BIRC6: variants seen among roughly 807,000 people sequenced by gnomAD.
The protein encoded by BIRC6 is dual E2 ubiquitin-conjugating enzyme/E3 ubiquitin-protein ligase BIRC6.
A neutral mutation model predicts 503.3 loss-of-function variants in BIRC6; 98 were observed. That is an observed-to-expected ratio of 0.19 (90% CI 0.17 to 0.23). The LOEUF is 0.23. Ranked by LOEUF, BIRC6 falls within the 10% of genes least tolerant of loss-of-function variation. BIRC6 has a pLI of 1.00. For missense variants in BIRC6, 5,360 were observed against 5,806.0 expected (o/e 0.92, Z 2.50); for synonymous variants, 2,240 against 2,078.7 (o/e 1.08, Z -2.11).
At chr2:32,397,616 G>GTATA (rs544288777) in intron 6 of BIRC6, among the ~76,000 whole-genome samples, 5,051 of 137,464 alleles carry the variant, frequency 0.037, 211 homozygotes, top group Admixed American at 0.13. Context: ...ATATATGTGT[G>GTATA]TATATATATA....
Position 32,471,018 on chromosome 2 carries a change from A to T in BIRC6, c.6486A>T (p.Val2162=), listed in dbSNP as rs1286328902. The T allele has an allele frequency of 6.4e-7, 1 of 1,567,086 alleles. No individual in the cohort carries two copies. The highest frequency in any genetic ancestry group is 1.3e-5 in the African/African-American group (1 of 74,160). ...TTTGCTGTCATCTCTCTCCAGGAGT[A>T]CTAGATATTCCCATGATCAGTTGGG... ...QLPMHRRTEG[V]LDIPMISWVV... The change falls in exon 32 of 74, where the codon GTA becomes GTT. Residue 2162 remains valine, a synonymous_variant. Coordinates refer to ENST00000421745, the MANE Select transcript of BIRC6 (RefSeq NM_016252.4).
At position 32,401,166 on chromosome 2, in the gene BIRC6, T is replaced by C; in HGVS notation, c.1038T>C (p.Ser346=). ...TCCTTTCTAAATCTATGCAAAGGTC[T>C]GAACACGAAAGACATTCCCCAAACT... ...VCWEPTDEPW[S]EHERHSPNCP... Residue 346 remains serine, a synonymous_variant, in exon 7 of 74, where the codon TCT becomes TCC. Transcript: ENST00000421745. The C allele has an allele frequency of 1.2e-6, 2 of 1,613,724 alleles. No homozygotes were observed. The highest frequency in any genetic ancestry group is 1.7e-6 in the Non-Finnish European group (2 of 1,179,600).
intron 30 of BIRC6, 126 bp downstream of exon 30, chr2:32,469,740 G>A: frequency 1.2e-6 from 1 of 867,150 alleles, no homozygotes; most frequent in East Asian, 2.4e-5. Flanking sequence ...CTCAGAGTTT[G>A]TGAAATGACC....
At chr2:32,362,793 T>C (rs1315024483) in intron 1 of BIRC6, among the ~76,000 whole-genome samples, 1 of 142,038 alleles carries the variant, frequency 7.0e-6, no homozygotes, top group Non-Finnish European at 1.5e-5. Flanking sequence ...TCTTAAAAAT[T>C]TTTTTTTTTT....
chr2:32,401,570 G>A lies in BIRC6; in HGVS notation c.1365G>A (p.Ala455=), dbSNP rs1228713786. The change falls in exon 8 of 74, where the codon GCG becomes GCA. Residue 455 remains alanine, a synonymous_variant. Coordinates refer to ENST00000421745, the MANE Select transcript of BIRC6 (RefSeq NM_016252.4). Reference sequence around the variant, plus strand: ...TTGATTCAAGGAGACCAACTTTGGCGTGGCTGGAGGACTCCTCTAGTTGCT... The same window carrying A: ...TTGATTCAAGGAGACCAACTTTGGCATGGCTGGAGGACTCCTCTAGTTGCT... ...SGVDSRRPTL[A]WLEDSSSCSD... is the part of the protein sequence containing the mutation. 7 of 1,614,050 alleles carry A rather than the reference G, an allele frequency of 4.3e-6. No individual in the cohort carries two copies. The highest frequency in any genetic ancestry group is 5.1e-6 in the Non-Finnish European group (6 of 1,179,890).
chr2:32,548,364 A>ATTTTTTTTTTTTTT (rs1491147471), intron 64 of BIRC6, among the ~76,000 whole-genome samples: 1 of 68,048 alleles, frequency 1.5e-5, no homozygotes, highest in Non-Finnish European at 3.1e-5. Flanking sequence ...TTGGTTGCTT[A>ATTTTTTTTTTTTTT]CTTTTTTTTT....
rs746837105 is a variant in BIRC6 at position 32,594,099 on chromosome 2, G to A, written c.13501+39G>A. On this transcript the variant is annotated intron_variant, in intron 67 of 73. Coordinates refer to ENST00000421745, the MANE Select transcript of BIRC6 (RefSeq NM_016252.4). ...CCTATTATGCCACTTTTCATTTGAT[G>A]TAAAGATGTTTCATTTACTTACTGA... is the stretch of plus-strand genomic sequence containing the variant. 5.1e-6 allele frequency: 8 copies of A among 1,572,938 alleles called. No homozygotes were observed. The South Asian group carries it at 8.3e-5, about 16-fold the overall frequency.
At chr2:32,405,726 A>G (rs1049673707) in intron 8 of BIRC6, among the ~76,000 whole-genome samples, 1 of 152,236 alleles carries the variant, frequency 6.6e-6, no homozygotes, top group Non-Finnish European at 1.5e-5. Context: ...TTGCATGTAC[A>G]TGTGAGTACA....
chr2:32,429,298 A>G lies in BIRC6; in HGVS notation c.3022+3A>G. 2 of 1,482,436 alleles carry G rather than the reference A, an allele frequency of 1.3e-6. No individual in the cohort carries two copies. The highest frequency in any genetic ancestry group is 1.8e-6 in the Non-Finnish European group (2 of 1,119,766). 91.8% of individuals were successfully genotyped at this position (1,482,436 alleles called of 1,614,324 possible). ...TCCTTCAAGTCCTGGCATTTCAGGT[A>G]TGATATTAAATTTTTAAATGATTTT... On this transcript the variant is annotated splice_donor_region_variant and intron_variant, in intron 11 of 73. Transcript: ENST00000421745.
In BIRC6 at chr2:32,479,646, A is replaced by G. The variant is rs543609425; in HGVS notation, c.7408+29A>G. 36 of 1,492,276 alleles carry G rather than the reference A, an allele frequency of 2.4e-5. No homozygotes were observed. In the East Asian group the frequency reaches 7.5e-4, roughly 31 times the overall value. The allele number at this position is 1,492,276 out of a possible 1,614,324, so 92.4% of individuals were successfully genotyped here. A position where few individuals can be genotyped will look rare whatever the true frequency, so the allele number is the denominator to read the frequency against. ...AAGTTTTACATTATGTTTCTTCTTT[A>G]TTCTATTAAATGGAAACATGTTTCA... On this transcript the variant is annotated intron_variant, in intron 37 of 73. Transcript: ENST00000421745.
At position 32,584,705 on chromosome 2, in the gene BIRC6, T is replaced by C. The variant is rs184645393; in HGVS notation, c.13356-9210T>C. Among the ~76,000 whole-genome samples, 16 of 152,324 alleles carry C rather than the reference T, an allele frequency of 1.1e-4. No individual in the cohort carries two copies. In the East Asian group the frequency reaches 2.7e-3, roughly 26 times the overall value. ...ATTGGTTCTTTTTAATTTATTTGCC[T>C]GTATAATGTTAAGTAGTTCTTTATT... On this transcript the variant is annotated intron_variant, in intron 66 of 73. Coordinates refer to ENST00000421745, the MANE Select transcript of BIRC6 (RefSeq NM_016252.4).
At chr2:32,540,454 T>G (rs529016450) in intron 61 of BIRC6, among the ~76,000 whole-genome samples, 5 of 152,174 alleles carry the variant, frequency 3.3e-5, no homozygotes, top group South Asian at 4.1e-4. Context: ...TTAGAGTCTT[T>G]TCTTTGGGAA....
chr2:32,474,944 C>T (rs1284366013), intron 33 of BIRC6, among the ~76,000 whole-genome samples: 1 of 151,164 alleles, frequency 6.6e-6, no homozygotes, highest in Non-Finnish European at 1.5e-5. Flanking sequence ...ATACCAAAAA[C>T]AGGTGTCAGG....
Position 32,441,372 on chromosome 2 carries a change from G to A in BIRC6, c.3854G>A (p.Arg1285His), listed in dbSNP as rs775469848. 1.9e-5 allele frequency: 31 copies of A among 1,603,298 alleles called. No individual in the cohort carries two copies. The highest frequency in any genetic ancestry group is 2.7e-5 in the African/African-American group (2 of 74,816). The change falls in exon 17 of 74, where the codon CGT becomes CAT. Residue 1285 changes from arginine (R) to histidine (H), a missense_variant. Arg to His is a conservative substitution (Grantham distance 29, BLOSUM62 0). Transcript: ENST00000421745. ...AAGAATGAAAATACAAGTGGCACCCGTAAATCTGAAAACCTCCGGGGCTGT... is the reference window on the plus strand; with the variant it reads ...AAGAATGAAAATACAAGTGGCACCCATAAATCTGAAAACCTCCGGGGCTGT... ...NVKNENTSGT[R>H]KSENLRGCDL...
At chr2:32,524,338 A>G (rs958228378) in intron 57 of BIRC6, among the ~76,000 whole-genome samples, 1 of 152,202 alleles carries the variant, frequency 6.6e-6, no homozygotes, top group Non-Finnish European at 1.5e-5. Context: ...CTAAATAAAA[A>G]TTAACAGAAC....
At chr2:32,389,885 G>C (rs1172897663) in intron 4 of BIRC6, among the ~76,000 whole-genome samples, 1 of 149,074 alleles carries the variant, frequency 6.7e-6, no homozygotes, top group East Asian at 2.0e-4. Context: ...TTTTGAGATA[G>C]AGTTTCGCTC....
At chr2:32,541,297 T>G (rs1012945541) in intron 61 of BIRC6, among the ~76,000 whole-genome samples, 2 of 152,090 alleles carry the variant, frequency 1.3e-5, no homozygotes, top group Non-Finnish European at 2.9e-5. Flanking sequence ...GTTCTTACAA[T>G]TAGGCTATTT....
chr2:32,550,174 C>G (rs1309630342), intron 65 of BIRC6, among the ~76,000 whole-genome samples: 1 of 152,060 alleles, frequency 6.6e-6, no homozygotes, highest in Non-Finnish European at 1.5e-5. Flanking sequence ...TACTCATATT[C>G]TTATCTCTGT....
intron 65 of BIRC6, among the ~76,000 whole-genome samples, chr2:32,553,437 G>T (rs1012298081): frequency 6.6e-6 from 1 of 151,528 alleles, no homozygotes; most frequent in Non-Finnish European, 1.5e-5. Context: ...GCCCAGGCTG[G>T]AGTGCAGTGA....
Sources: allele counts gnomAD v4.1 joint callset (sites outside exome capture counted in the v4.1 genomes callset), GRCh38; gene constraint gnomAD v4.1.1; transcripts MANE v1.5; gene names NCBI Gene and HGNC (gene_info 2026-07-23, HGNC 2026-07-21).